EXT2: variants seen among roughly 807,000 people sequenced by gnomAD.
The protein encoded by EXT2 is exostosin-2.
Under a neutral mutation model 81.6 loss-of-function variants are expected in EXT2, and 53 were observed. That is an observed-to-expected ratio of 0.65 (90% CI 0.52 to 0.82). EXT2 has a LOEUF of 0.82. EXT2 is among the 40% of genes least tolerant of loss of function. EXT2 has a pLI of 0.00. For synonymous variants in EXT2, 320 were observed against 340.0 expected, an observed-to-expected ratio of 0.94 and a Z score of 0.65; for missense variants, 774 against 910.2, an observed-to-expected ratio of 0.85 and a Z score of 1.93.
intron 3 of EXT2, among the ~76,000 whole-genome samples, 186 bp downstream of exon 3, chr11:44,109,469 G>T (rs1020053094): frequency 2.6e-5 from 4 of 152,148 alleles, no homozygotes; most frequent in Admixed American, 2.6e-4. Flanking sequence ...ACCAGTTAGG[G>T]CTTATGTCCT....
Position 44,220,088 on chromosome 11 carries a change from C to T in EXT2, c.1663-12265C>T, listed in dbSNP as rs1313699024. On this transcript the variant is annotated intron_variant, in intron 10 of 13. Transcript: ENST00000533608. This position sits in a 1 kb window ranked among gnomAD's most constrained non-coding sequence, Gnocchi z 4.4. ...CCAGTCTAGTAGTCAGCTTGCACGG[C>T]TGCTGGTGTGTTGCTGGTGCTGGAA... 4.6e-5 allele frequency among the ~76,000 whole-genome samples: 7 copies of T among 152,144 alleles called. No homozygotes were observed. The East Asian group carries it at 1.4e-3, about 29-fold the overall frequency.
In EXT2 at chr11:44,215,871, T is replaced by G. The variant is rs971180498; in HGVS notation, c.1662+8912T>G. Reference sequence around the variant, plus strand: ...AGGAGTCTTCCATTTGGGAATTTTTTTTTTTTTTTTTTTTTTGAGACGGAG... The same window carrying G: ...AGGAGTCTTCCATTTGGGAATTTTTGTTTTTTTTTTTTTTTTGAGACGGAG... On this transcript the variant is annotated intron_variant, in intron 10 of 13. Coordinates refer to ENST00000533608, the MANE Select transcript of EXT2 (RefSeq NM_207122.2). 4.2e-3 allele frequency among the ~76,000 whole-genome samples: 519 copies of G among 124,352 alleles called. 3 individuals are homozygous for G. The highest frequency in any genetic ancestry group is 0.015 in the African/African-American group (497 of 33,666). The allele number at this position is 124,352 out of a possible 152,430, so 81.6% of individuals were successfully genotyped here.
At chr11:44,098,478 A>G (rs1015116775) in intron 1 of EXT2, among the ~76,000 whole-genome samples, 1 of 151,968 alleles carries the variant, frequency 6.6e-6, no homozygotes, top group Non-Finnish European at 1.5e-5. Flanking sequence ...GGATTACCTG[A>G]GGTCAGGAGT....
chr11:44,197,208 G>A (rs533026769), intron 8 of EXT2, among the ~76,000 whole-genome samples: 3 of 151,270 alleles, frequency 2.0e-5, no homozygotes, highest in African/African-American at 7.3e-5. Context: ...GTAGGATCAA[G>A]GGAGGGTTTG....
chr11:44,139,499 C>T (rs1402973811), intron 7 of EXT2, among the ~76,000 whole-genome samples: 1 of 152,160 alleles, frequency 6.6e-6, no homozygotes, highest in Non-Finnish European at 1.5e-5. Flanking sequence ...TAGCTGTTCA[C>T]ATCCTGCAGA....
chr11:44,230,231 G>A (rs553394037), intron 10 of EXT2, among the ~76,000 whole-genome samples: 1 of 152,152 alleles, frequency 6.6e-6, no homozygotes, highest in Non-Finnish European at 1.5e-5. Context: ...GAGGGCTTGA[G>A]GTCTAGTGGT....
At position 44,102,281 on chromosome 11, in the gene EXT2, A is replaced by G. The variant is rs561696754; in HGVS notation, c.-30-5402A>G. 8.5e-5 allele frequency among the ~76,000 whole-genome samples: 13 copies of G among 152,292 alleles called. No individual in the cohort carries two copies. The South Asian group carries it at 2.7e-3, about 32-fold the overall frequency. On this transcript the variant is annotated intron_variant, in intron 1 of 13. Transcript: ENST00000533608. ...CAGTACCAGGCAACCCTCAACCAATAGTGGATAGGTGTTGCAGACAGATGC... is the reference window on the plus strand; with the variant it reads ...CAGTACCAGGCAACCCTCAACCAATGGTGGATAGGTGTTGCAGACAGATGC...
At chr11:44,218,677 G>T (rs1955747146) in intron 10 of EXT2, among the ~76,000 whole-genome samples, 1 of 151,988 alleles carries the variant, frequency 6.6e-6, no homozygotes, top group Non-Finnish European at 1.5e-5. Flanking sequence ...CTCACTAATT[G>T]GAGAATTCCA....
chr11:44,100,872 T>C (rs943549979), intron 1 of EXT2, among the ~76,000 whole-genome samples: 6 of 151,930 alleles, frequency 3.9e-5, no homozygotes, highest in Admixed American at 2.0e-4. Flanking sequence ...CTCAGATCCC[T>C]TGGGCCAGTA....
In EXT2 at chr11:44,224,635, T is replaced by G. The variant is rs79627676; in HGVS notation, c.1663-7718T>G. 4.9e-3 allele frequency among the ~76,000 whole-genome samples: 749 copies of G among 152,292 alleles called. 7 individuals carry two copies. The highest frequency in any genetic ancestry group is 0.017 in the African/African-American group (725 of 41,548). On this transcript the variant is annotated intron_variant, in intron 10 of 13. Transcript: ENST00000533608. Reference sequence around the variant, plus strand: ...ATGAAATAACGCATTAAATAATGTTTTGGGAAGCAGATTTATGCTTTGAAG... The same window carrying G: ...ATGAAATAACGCATTAAATAATGTTGTGGGAAGCAGATTTATGCTTTGAAG...
chr11:44,173,227 G>A (rs1215726759), intron 8 of EXT2, among the ~76,000 whole-genome samples: 1 of 152,182 alleles, frequency 6.6e-6, no homozygotes, highest in Non-Finnish European at 1.5e-5. Flanking sequence ...GAGGAAGTCA[G>A]TATGTGCGTA....
intron 10 of EXT2, among the ~76,000 whole-genome samples, chr11:44,215,370 A>G (rs1955705444): frequency 6.6e-6 from 1 of 152,228 alleles, no homozygotes; most frequent in South Asian, 2.1e-4. Context: ...ACATATTTAT[A>G]TAAAAGTACA....
intron 10 of EXT2, among the ~76,000 whole-genome samples, chr11:44,229,528 AAGACCTAGGTC>A (rs1396104086): frequency 1.3e-5 from 2 of 152,206 alleles, no homozygotes; most frequent in African/African-American, 4.8e-5. Context: ...GACCACGCCC[AAGACCTAGGTC>A]AGACATTCCA....
chr11:44,127,033 A>T, intron 6 of EXT2, 78 bp downstream of exon 6: 1 of 1,544,354 alleles, frequency 6.5e-7, no homozygotes, highest in Non-Finnish European at 8.9e-7. Flanking sequence ...GGTCATTGTA[A>T]TGTATACCCT....
At chr11:44,188,215 A>C (rs1202280741) in intron 8 of EXT2, among the ~76,000 whole-genome samples, 1 of 152,208 alleles carries the variant, frequency 6.6e-6, no homozygotes, top group African/African-American at 2.4e-5. Flanking sequence ...GGGAGCCAAA[A>C]TCAGCTTTTG....
intron 10 of EXT2, among the ~76,000 whole-genome samples, chr11:44,215,924 C>A (rs1010686658): frequency 6.9e-6 from 1 of 145,834 alleles, no homozygotes; most frequent in Non-Finnish European, 1.5e-5. Context: ...GGTCGGACTG[C>A]GGACTGCAGT....
intron 8 of EXT2, among the ~76,000 whole-genome samples, chr11:44,187,761 C>A (rs980986787): frequency 6.6e-6 from 1 of 152,020 alleles, no homozygotes; most frequent in African/African-American, 2.4e-5. Flanking sequence ...GGTAGCATTC[C>A]GTTAGCTCTA....
chr11:44,194,789 T>C (rs994331389), intron 8 of EXT2, among the ~76,000 whole-genome samples: 1 of 152,218 alleles, frequency 6.6e-6, no homozygotes, highest in Non-Finnish European at 1.5e-5. Flanking sequence ...ATACACTTTT[T>C]TAAAGGAATC....
intron 13 of EXT2, among the ~76,000 whole-genome samples, chr11:44,242,695 T>C (rs1200409421): frequency 6.6e-6 from 1 of 152,228 alleles, no homozygotes; most frequent in Non-Finnish European, 1.5e-5. Context: ...GATATGTATG[T>C]AAATTATCTG....
Sources: allele counts gnomAD v4.1 joint callset (sites outside exome capture counted in the v4.1 genomes callset), GRCh38; gene constraint gnomAD v4.1.1; non-coding constraint Gnocchi (gnomAD v3.1); transcripts MANE v1.5; gene names NCBI Gene and HGNC (gene_info 2026-07-23, HGNC 2026-07-21).